CAMK2D: variants seen among roughly 807,000 people sequenced by gnomAD.
CAMK2D encodes calcium/calmodulin-dependent protein kinase type II subunit delta.
In CAMK2D, 37 loss-of-function variants were observed where a neutral mutation model predicts 84.0. The ratio of observed to expected loss-of-function variants is 0.44; its 90% CI spans 0.34 to 0.58. The LOEUF is 0.58. Ranked by LOEUF, CAMK2D falls within the 20% of genes least tolerant of loss-of-function variation. CAMK2D has a pLI of 0.02. For missense variants in CAMK2D, 448 were observed against 652.5 expected (o/e 0.69, Z 3.41); for synonymous variants, 202 against 212.5 (o/e 0.95, Z 0.43).
At chr4:113,468,360 C>T (rs2097503493) in intron 16 of CAMK2D, among the ~76,000 whole-genome samples, 1 of 152,166 alleles carries the variant, frequency 6.6e-6, no homozygotes, top group Admixed American at 6.5e-5. Context: ...CAGGATGCTT[C>T]TGTGCTGTAT....
chr4:113,574,323 A>G (rs1350722486), intron 4 of CAMK2D, among the ~76,000 whole-genome samples: 4 of 152,188 alleles, frequency 2.6e-5, no homozygotes, highest in Non-Finnish European at 5.9e-5. Flanking sequence ...TGCCATGGTT[A>G]TTGTTCAATG....
intron 4 of CAMK2D, among the ~76,000 whole-genome samples, chr4:113,594,261 C>T (rs1420271538): frequency 6.6e-6 from 1 of 152,192 alleles, no homozygotes; most frequent in African/African-American, 2.4e-5. Context: ...GATCGAATCA[C>T]CTCCCAGCAG....
rs1592429407 is a variant in CAMK2D at position 113,646,448 on chromosome 4, G to A, written c.220+15265C>T. On this transcript the variant is annotated intron_variant, in intron 3 of 20. Transcript: ENST00000511664. Reference sequence around the variant, plus strand: ...AAGTGCATCAGAGATAAAGCAAGAAGGATGCTAGGGAGTGCTGGGTGGGGC... The same window carrying A: ...AAGTGCATCAGAGATAAAGCAAGAAAGATGCTAGGGAGTGCTGGGTGGGGC... Among the ~76,000 whole-genome samples the A allele has an allele frequency of 1.3e-5, 2 of 152,184 alleles. 1 individual carries two copies. The highest frequency in any genetic ancestry group is 1.3e-4 in the Admixed American group (2 of 15,282).
chr4:113,455,047 T>C (rs2097288980), intron 20 of CAMK2D, among the ~76,000 whole-genome samples: 1 of 152,200 alleles, frequency 6.6e-6, no homozygotes, highest in Non-Finnish European at 1.5e-5. Context: ...CACTATTTGT[T>C]AAAAGCTCTG....
At chr4:113,492,629 G>A (rs1378243565) in intron 16 of CAMK2D, among the ~76,000 whole-genome samples, 2 of 151,094 alleles carry the variant, frequency 1.3e-5, no homozygotes, top group Non-Finnish European at 2.9e-5. Flanking sequence ...TTGATTTGGG[G>A]TGGAGAGTTC....
Position 113,468,140 on chromosome 4 carries a change from T to C in CAMK2D, c.1136-2536A>G, listed in dbSNP as rs142202179. 1.8e-4 allele frequency among the ~76,000 whole-genome samples: 27 copies of C among 152,254 alleles called. No individual in the cohort carries two copies. In the East Asian group the frequency reaches 5.0e-3, roughly 28 times the overall value. ...AAGTCTCTGCACTGCCTCACAAGCA[T>C]AATATGGAATTAGAATCATCGGGTG... is the stretch of plus-strand genomic sequence containing the variant. On this transcript the variant is annotated intron_variant, in intron 16 of 20. Coordinates refer to ENST00000511664, the MANE Select transcript of CAMK2D (RefSeq NM_001321571.2).
chr4:113,692,700 TCATACATATTCATATATA>T (rs1561869231), intron 2 of CAMK2D, among the ~76,000 whole-genome samples: 1 of 151,918 alleles, frequency 6.6e-6, no homozygotes, highest in Non-Finnish European at 1.5e-5. Context: ...ATACATATAT[TCATACATATTCATATATA>T]CATACATATA....
chr4:113,624,238 A>C (rs1485364784), intron 3 of CAMK2D, among the ~76,000 whole-genome samples: 2 of 152,248 alleles, frequency 1.3e-5, no homozygotes, highest in South Asian at 2.1e-4. Flanking sequence ...TAACAGGTAA[A>C]GAAAATAAAA....
chr4:113,609,488 G>A (rs545467246), intron 3 of CAMK2D, among the ~76,000 whole-genome samples: 1 of 152,280 alleles, frequency 6.6e-6, no homozygotes, highest in East Asian at 1.9e-4. Context: ...GAGATTAAAT[G>A]AGATAAAAAT....
At chr4:113,649,619 A>T (rs1226519238) in intron 3 of CAMK2D, among the ~76,000 whole-genome samples, 1 of 152,226 alleles carries the variant, frequency 6.6e-6, no homozygotes, top group Non-Finnish European at 1.5e-5. Flanking sequence ...TAGTTTCATT[A>T]TAGTATATAA....
In CAMK2D at chr4:113,486,881, C is replaced by T. The variant is rs552873333; in HGVS notation, c.1135+13582G>A. Among the ~76,000 whole-genome samples the T allele has an allele frequency of 1.1e-4, 16 of 152,196 alleles. No homozygotes were observed. The South Asian group carries it at 3.3e-3, about 32-fold the overall frequency. On this transcript the variant is annotated intron_variant, in intron 16 of 20. Transcript: ENST00000511664. The stretch of plus-strand genomic sequence containing the variant: ...TAATCCACTCAGAATTAGCCCAGTC[C>T]GTTTGAAACTCTCTCAATCATTTGT...
chr4:113,694,388 TTAA>T (rs1349298608), intron 2 of CAMK2D, among the ~76,000 whole-genome samples: 2 of 152,156 alleles, frequency 1.3e-5, no homozygotes, highest in Non-Finnish European at 2.9e-5. Context: ...TTTTGAGAAG[TTAA>T]TAATTAAGAA....
chr4:113,561,690 C>T lies in CAMK2D; in HGVS notation c.276-9594G>A, dbSNP rs190048740. On this transcript the variant is annotated intron_variant, in intron 4 of 20. Coordinates refer to ENST00000511664, the MANE Select transcript of CAMK2D (RefSeq NM_001321571.2). Reference sequence around the variant, plus strand: ...AATCTCTACACAGGCTTAACAGAAACGATGCTTTCTGAAGGGATGTCTGAG... The same window carrying T: ...AATCTCTACACAGGCTTAACAGAAATGATGCTTTCTGAAGGGATGTCTGAG... Among the ~76,000 whole-genome samples the T allele has an allele frequency of 4.0e-3, 604 of 152,180 alleles. 4 individuals carry two copies. The highest frequency in any genetic ancestry group is 6.1e-3 in the African/African-American group (254 of 41,516).
chr4:113,643,546 G>T (rs17593086), intron 3 of CAMK2D, among the ~76,000 whole-genome samples: 26,916 of 152,246 alleles, frequency 0.18, 2,745 homozygotes, highest in East Asian at 0.29. Flanking sequence ...CATTTTTGGA[G>T]GTCAGGGAAT....
intron 4 of CAMK2D, among the ~76,000 whole-genome samples, chr4:113,601,710 T>TTTTTTTTTC (rs2098953725): frequency 7.3e-6 from 1 of 137,726 alleles, no homozygotes; most frequent in Non-Finnish European, 1.6e-5. Context: ...TTTTTTTTTT[T>TTTTTTTTTC]CATTTTTTAA....
At chr4:113,488,709 G>T (rs545442613) in intron 16 of CAMK2D, among the ~76,000 whole-genome samples, 1 of 151,988 alleles carries the variant, frequency 6.6e-6, no homozygotes, top group Non-Finnish European at 1.5e-5. Flanking sequence ...CTCATTACAG[G>T]GTTTCACAAA....
At chr4:113,489,374 G>A (rs1436521596) in intron 16 of CAMK2D, among the ~76,000 whole-genome samples, 1 of 110,634 alleles carries the variant, frequency 9.0e-6, no homozygotes, top group African/African-American at 5.0e-5. Context: ...CCACCTATGA[G>A]TGAGAATATG....
chr4:113,640,323 T>C (rs2154293751), intron 3 of CAMK2D, among the ~76,000 whole-genome samples: 1 of 152,212 alleles, frequency 6.6e-6, no homozygotes, highest in Non-Finnish European at 1.5e-5. Context: ...TGCGTAGATT[T>C]AAGAGGTAGG....
chr4:113,505,070 T>G, intron 13 of CAMK2D, 35 bp from the exon 14 acceptor site: 1 of 1,368,930 alleles, frequency 7.3e-7, no homozygotes, highest in Non-Finnish European at 1.0e-6. Flanking sequence ...CAGAGATGCC[T>G]TAAACCCCTT....
Sources: allele counts gnomAD v4.1 joint callset (sites outside exome capture counted in the v4.1 genomes callset), GRCh38; gene constraint gnomAD v4.1.1; transcripts MANE v1.5; gene names NCBI Gene and HGNC (gene_info 2026-07-23, HGNC 2026-07-21).